Variants in JAKMIP3 observed in about 807,000 individuals in gnomAD.
The protein encoded by JAKMIP3 is Janus kinase and microtubule interacting protein 3.
JAKMIP3 carries 58 observed loss-of-function variants against 118.5 expected under a neutral mutation model. The ratio of observed to expected loss-of-function variants is 0.49; its 90% confidence interval spans 0.40 to 0.61. JAKMIP3 has a LOEUF of 0.61. Among genes scored for constraint, JAKMIP3 ranks in the 20% least tolerant of loss-of-function variants. The pLI is 0.00. For missense variants in JAKMIP3, 950 were observed against 1,109.0 expected (o/e 0.86, Z 2.04); for synonymous variants, 486 against 451.2 (o/e 1.08, Z -0.98).
chr10:132,100,855 C>T (rs1229105373), intron 1 of JAKMIP3, among the ~76,000 whole-genome samples: 1 of 146,138 alleles, frequency 6.8e-6, no homozygotes, highest in Non-Finnish European at 1.5e-5. Context: ...CCCGTTCTCT[C>T]TGCATGAGGA....
intron 1 of JAKMIP3, among the ~76,000 whole-genome samples, chr10:132,075,495 T>C (rs1053635871): frequency 1.3e-5 from 2 of 149,732 alleles, no homozygotes; most frequent in Non-Finnish European, 1.5e-5. Flanking sequence ...CTGCAAACTC[T>C]GCCTCCCAGG....
At chr10:132,180,064 C>CA (rs745453669) in intron 23 of JAKMIP3, among the ~76,000 whole-genome samples, 19 of 152,224 alleles carry the variant, frequency 1.2e-4, no homozygotes, top group Non-Finnish European at 2.6e-4. Flanking sequence ...CACCCACTAA[C>CA]ATGCCAGGCC....
chr10:132,128,746 A>C (rs2050071943), intron 3 of JAKMIP3, among the ~76,000 whole-genome samples: 2 of 152,300 alleles, frequency 1.3e-5, no homozygotes, highest in Non-Finnish European at 2.9e-5. Context: ...TCTTTTTTAA[A>C]ATAGATCCTA....
upstream of JAKMIP3, among the ~76,000 whole-genome samples, chr10:132,063,291 C>G (rs528239225): frequency 2.4e-4 from 37 of 152,290 alleles, no homozygotes; most frequent in African/African-American, 8.7e-4. Flanking sequence ...ACAAGTGAGG[C>G]CTGCTGTTTA....
chr10:132,146,249 C>T (rs1372374702), intron 13 of JAKMIP3, among the ~76,000 whole-genome samples: 2 of 151,670 alleles, frequency 1.3e-5, no homozygotes, highest in Non-Finnish European at 2.9e-5. Flanking sequence ...GCCTTAGCTT[C>T]TGCCTGAGGT....
chr10:132,038,632 A>T (rs552274778), intron 1 of JAKMIP3, among the ~76,000 whole-genome samples: 1 of 152,168 alleles, frequency 6.6e-6, no homozygotes, highest in Admixed American at 6.5e-5. Flanking sequence ...CCCTGTCTCT[A>T]TGAAGAATAC....
At chr10:132,147,041 T>C (rs116594088) in intron 13 of JAKMIP3, among the ~76,000 whole-genome samples, 155 of 152,340 alleles carry the variant, frequency 1.0e-3, no homozygotes, top group African/African-American at 3.6e-3. Flanking sequence ...GAAATGCTTG[T>C]GCACGTACAC....
At chr10:132,062,796 G>C (rs934828917), upstream of JAKMIP3, among the ~76,000 whole-genome samples, 2 of 152,232 alleles carry the variant, frequency 1.3e-5, no homozygotes, top group Non-Finnish European at 2.9e-5. Flanking sequence ...CCAGGAGGAG[G>C]TGCCTTTGCA....
At chr10:132,159,728 CTT>C (rs2057749538) in intron 19 of JAKMIP3, among the ~76,000 whole-genome samples, 1 of 72,126 alleles carries the variant, frequency 1.4e-5, no homozygotes, top group African/African-American at 5.0e-5. Context: ...GGGGGCATGT[CTT>C]CCTGTGTGAT....
intron 1 of JAKMIP3, among the ~76,000 whole-genome samples, chr10:132,082,433 G>A (rs2041893189): frequency 6.6e-6 from 1 of 151,860 alleles, no homozygotes; most frequent in Non-Finnish European, 1.5e-5. Flanking sequence ...TTATGCCTTT[G>A]CCTCCTTGTA....
chr10:132,125,071 G>A (rs1246813069), intron 3 of JAKMIP3, among the ~76,000 whole-genome samples: 2 of 152,222 alleles, frequency 1.3e-5, no homozygotes, highest in Non-Finnish European at 1.5e-5. Context: ...GATGAAAGAA[G>A]TTTGGCATTT....
intron 1 of JAKMIP3, among the ~76,000 whole-genome samples, chr10:132,088,725 G>T (rs928674950): frequency 6.6e-6 from 1 of 152,090 alleles, no homozygotes; most frequent in African/African-American, 2.4e-5. Flanking sequence ...GATCCCATTT[G>T]TCAATTTTGG....
At chr10:132,065,494 G>T (rs1198251306), upstream of JAKMIP3, among the ~76,000 whole-genome samples, 1 of 152,038 alleles carries the variant, frequency 6.6e-6, no homozygotes, top group African/African-American at 2.4e-5. This position sits in a 1 kb window ranked among gnomAD's most constrained non-coding sequence, Gnocchi z 5.6. Flanking sequence ...CCAAGCAGGA[G>T]GGAAAGCCGG....
intron 2 of JAKMIP3, among the ~76,000 whole-genome samples, chr10:132,113,066 T>C (rs1346552756): frequency 6.6e-6 from 1 of 152,218 alleles, no homozygotes; most frequent in Non-Finnish European, 1.5e-5. Flanking sequence ...TGTATATCCC[T>C]GGTCTGAAAG....
At position 132,149,966 on chromosome 10, in the gene JAKMIP3, GTCCTCTGT is replaced by G; in HGVS notation, c.1948-15_1948-8del. 6.7e-7 allele frequency: 1 copy of G among 1,500,230 alleles called. No individual in the cohort carries two copies. Among genetic ancestry groups the G allele is most frequent in the Non-Finnish European group, 8.9e-7 (1 of 1,128,366 alleles). The allele number at this position is 1,500,230 out of a possible 1,614,324, so 92.9% of individuals were successfully genotyped here. A position where few individuals can be genotyped will look rare whatever the true frequency, so the allele number is the denominator to read the frequency against. ...ACCCCGTGGCCACTCACCCCTACCT[GTCCTCTGT>G]GCCTTAGGACATTGTGGTTGCGGAG... On this transcript the variant is annotated splice_region_variant and splice_polypyrimidine_tract_variant and intron_variant, in intron 15 of 23. Transcript: ENST00000684848.
chr10:132,076,794 C>T (rs568655276), intron 1 of JAKMIP3, among the ~76,000 whole-genome samples: 22 of 151,348 alleles, frequency 1.5e-4, no homozygotes, highest in African/African-American at 4.6e-4. Flanking sequence ...TGAGGGCTGG[C>T]CTGCGGTGGC....
chr10:132,141,677 TC>T (rs1405155905), intron 10 of JAKMIP3, among the ~76,000 whole-genome samples: 1 of 151,898 alleles, frequency 6.6e-6, no homozygotes, highest in Non-Finnish European at 1.5e-5. Context: ...CCGACTCAGC[TC>T]CCACCCCAGG....
Position 132,136,466 on chromosome 10 carries a change from G to T in JAKMIP3, c.1116+390G>T, listed in dbSNP as rs536839532. On this transcript the variant is annotated intron_variant, in intron 6 of 23. Coordinates refer to ENST00000684848, the MANE Select transcript of JAKMIP3 (RefSeq NM_001323087.2). ...CACACAGCGCCAAGCAGGAGTCGGGGGCAGGGAGTCTCTGCTCCGCCAAGG... is the reference window on the plus strand; with the variant it reads ...CACACAGCGCCAAGCAGGAGTCGGGTGCAGGGAGTCTCTGCTCCGCCAAGG... Among the ~76,000 whole-genome samples the T allele has an allele frequency of 9.2e-4, 140 of 152,248 alleles. 2 individuals carry two copies. The highest frequency in any genetic ancestry group is 3.2e-3 in the African/African-American group (133 of 41,546).
At chr10:132,102,266 A>C (rs2045074736) in intron 1 of JAKMIP3, among the ~76,000 whole-genome samples, 1 of 152,128 alleles carries the variant, frequency 6.6e-6, no homozygotes, top group East Asian at 1.9e-4. Flanking sequence ...GGAGACAGGC[A>C]GTGCGCCGGG....
Sources: allele counts gnomAD v4.1 joint callset (sites outside exome capture counted in the v4.1 genomes callset), GRCh38; gene constraint gnomAD v4.1.1; non-coding constraint Gnocchi (gnomAD v3.1); transcripts MANE v1.5; gene names NCBI Gene and HGNC (gene_info 2026-07-23, HGNC 2026-07-21).